The following TMC1 variants were observed in gnomAD, a reference collection of about 807,000 sequenced individuals.
TMC1 encodes the protein transmembrane channel-like protein 1.
In TMC1, 84 loss-of-function variants were observed where a neutral mutation model predicts 105.8. That is an observed-to-expected ratio of 0.79 (90% CI 0.67 to 0.95). The LOEUF is 0.95. Ranked by LOEUF, TMC1 falls within the 40% of genes least tolerant of loss-of-function variation. The pLI is 0.00. For synonymous variants in TMC1, 315 were observed against 311.5 expected, an observed-to-expected ratio of 1.01 and a Z score of -0.12; for missense variants, 817 against 914.1, an observed-to-expected ratio of 0.89 and a Z score of 1.37.
chr9:72,748,284 A>C (rs1254476136), intron 10 of TMC1, among the ~76,000 whole-genome samples: 1 of 152,154 alleles, frequency 6.6e-6, no homozygotes, highest in African/African-American at 2.4e-5. Context: ...TTTCGTAGGG[A>C]TTTGATGATC....
intron 2 of TMC1, among the ~76,000 whole-genome samples, chr9:72,591,887 T>TA (rs1204310983): frequency 3.9e-5 from 6 of 152,160 alleles, no homozygotes; most frequent in African/African-American, 1.4e-4. Flanking sequence ...AAAATGCAGA[T>TA]ATCTGGGTAT....
At chr9:72,579,433 G>A (rs1824439696) in intron 2 of TMC1, among the ~76,000 whole-genome samples, 1 of 152,122 alleles carries the variant, frequency 6.6e-6, no homozygotes, top group Non-Finnish European at 1.5e-5. Flanking sequence ...AAGCCTTGTA[G>A]ACTCCACTCA....
chr9:72,773,067 A>G (rs377358439), intron 13 of TMC1, among the ~76,000 whole-genome samples: 1 of 152,274 alleles, frequency 6.6e-6, no homozygotes, highest in East Asian at 1.9e-4. Context: ...CTGTATAATC[A>G]TGGTTTGTCT....
chr9:72,595,498 A>G (rs1824703183), intron 2 of TMC1, among the ~76,000 whole-genome samples: 1 of 152,158 alleles, frequency 6.6e-6, no homozygotes, highest in African/African-American at 2.4e-5. Context: ...CTAGCATTAG[A>G]GTGGCCTGCA....
intron 7 of TMC1, among the ~76,000 whole-genome samples, chr9:72,697,478 C>G (rs1826570158): frequency 6.6e-6 from 1 of 152,010 alleles, no homozygotes; most frequent in South Asian, 2.1e-4. Context: ...ACTGTTCTCA[C>G]AGGGATAGTT....
intron 1 of TMC1, among the ~76,000 whole-genome samples, chr9:72,549,509 C>T (rs1444186441): frequency 2.6e-5 from 4 of 151,988 alleles, no homozygotes; most frequent in Non-Finnish European, 4.4e-5. Context: ...TTGGCGCGAT[C>T]TCCACTCAGT....
At chr9:72,692,566 A>C (rs1432255736) in intron 6 of TMC1, among the ~76,000 whole-genome samples, 1 of 152,280 alleles carries the variant, frequency 6.6e-6, no homozygotes, top group East Asian at 1.9e-4. Context: ...TAGTTTTAAT[A>C]CAAAAAATAC....
At chr9:72,594,667 C>T (rs2132107910) in intron 2 of TMC1, among the ~76,000 whole-genome samples, 1 of 152,270 alleles carries the variant, frequency 6.6e-6, no homozygotes, top group East Asian at 1.9e-4. Flanking sequence ...CTATGTCCCA[C>T]AATTTATGTG....
rs767557406 is a variant in TMC1 at position 72,754,859 on chromosome 9, A to G, written c.716A>G (p.Asn239Ser). Residue 239 changes from asparagine (N) to serine (S), a missense_variant, in exon 12 of 24, where the codon AAC becomes AGC. Asn to Ser is a conservative substitution (Grantham distance 46, BLOSUM62 1). Coordinates refer to ENST00000297784, the MANE Select transcript of TMC1 (RefSeq NM_138691.3). ...VPRAEEASAA[N>S]FGVLYDFNGL... Reference sequence around the variant, plus strand: ...AGAGCCGAAGAGGCATCGGCAGCAAACTTTGGTGTGTTGTACGACTTCAAT... The same window carrying G: ...AGAGCCGAAGAGGCATCGGCAGCAAGCTTTGGTGTGTTGTACGACTTCAAT... 31 of 1,613,980 alleles carry G rather than the reference A, an allele frequency of 1.9e-5. No individual in the cohort carries two copies. The South Asian group carries it at 3.2e-4, about 17-fold the overall frequency.
intron 1 of TMC1, among the ~76,000 whole-genome samples, chr9:72,544,342 C>T (rs1420392337): frequency 1.3e-5 from 2 of 152,142 alleles, no homozygotes; most frequent in Non-Finnish European, 2.9e-5. Context: ...AAGGTATATC[C>T]ACTTCACTCA....
At chr9:72,658,172 T>C (rs995097653) in intron 5 of TMC1, among the ~76,000 whole-genome samples, 1 of 152,132 alleles carries the variant, frequency 6.6e-6, no homozygotes. Context: ...AAGCTCATAA[T>C]CTATTTGGGC....
intron 17 of TMC1, among the ~76,000 whole-genome samples, chr9:72,803,695 C>G (rs750561064): frequency 2.0e-5 from 3 of 152,164 alleles, no homozygotes; most frequent in African/African-American, 7.2e-5. Context: ...CCATCTCACA[C>G]CAGTCAGAAT....
chr9:72,594,599 A>T (rs1208909759), intron 2 of TMC1, among the ~76,000 whole-genome samples: 1 of 152,176 alleles, frequency 6.6e-6, no homozygotes, highest in Non-Finnish European at 1.5e-5. Flanking sequence ...CTGTTTCGCT[A>T]TGATAATGGG....
intron 18 of TMC1, among the ~76,000 whole-genome samples, chr9:72,807,778 C>A (rs1346272378): frequency 6.6e-6 from 1 of 152,188 alleles, no homozygotes; most frequent in African/African-American, 2.4e-5. Context: ...CAAGAGGCTG[C>A]AGAAGGTTCA....
At chr9:72,535,270 C>T (rs1823562435) in intron 1 of TMC1, among the ~76,000 whole-genome samples, 1 of 152,174 alleles carries the variant, frequency 6.6e-6, no homozygotes, top group South Asian at 2.1e-4. Context: ...ATTAGGATTG[C>T]AGGAGGAAAC....
chr9:72,835,437 A>G (rs147133861), intron 23 of TMC1, among the ~76,000 whole-genome samples: 3 of 152,358 alleles, frequency 2.0e-5, no homozygotes, highest in African/African-American at 7.2e-5. Flanking sequence ...GTGCTTTTGT[A>G]TAATTTAATA....
intron 1 of TMC1, among the ~76,000 whole-genome samples, chr9:72,533,852 G>A (rs930437235): frequency 3.9e-5 from 6 of 151,932 alleles, no homozygotes; most frequent in African/African-American, 1.5e-4. Context: ...ACAATTTCTG[G>A]CCAGGTGCAG....
intron 13 of TMC1, among the ~76,000 whole-genome samples, chr9:72,776,605 C>T (rs967623836): frequency 1.6e-4 from 24 of 152,294 alleles, no homozygotes; most frequent in Non-Finnish European, 2.2e-4. Context: ...CTACCCCTTA[C>T]ACCTTGCCAC....
At chr9:72,730,995 C>T (rs1287275120) in intron 8 of TMC1, among the ~76,000 whole-genome samples, 3 of 152,202 alleles carry the variant, frequency 2.0e-5, no homozygotes, top group Non-Finnish European at 4.4e-5. Context: ...CTCACTCGCC[C>T]ACCACTTGCC....
Sources: gnomAD v4.1 joint callset for allele counts (sites outside exome capture counted in the v4.1 genomes callset) on GRCh38, gnomAD v4.1.1 for gene constraint, MANE v1.5 for transcripts, NCBI Gene and HGNC (gene_info 2026-07-23, HGNC 2026-07-21) for gene names.